PAGE2B: variants seen among roughly 807,000 people sequenced by gnomAD.
The protein encoded by PAGE2B is putative G antigen family E member 3.
PAGE2B carries 5 observed loss-of-function variants against 7.6 expected under a neutral mutation model. That is an observed-to-expected ratio of 0.66 (90% confidence interval 0.34 to 1.38). The LOEUF is 1.38. PAGE2B is among the 40% of genes most tolerant of loss of function. The pLI, the probability that PAGE2B is intolerant of heterozygous loss-of-function variation, is 0.04. For missense variants in PAGE2B, 70 were observed against 78.4 expected (o/e 0.89, Z 0.41); for synonymous variants, 29 against 26.7 (o/e 1.09, Z -0.27).
chrX:55,060,217 G>A, the PAGE2B span, among the ~76,000 whole-genome samples: 3 of 111,387 alleles, frequency 2.7e-5, no homozygotes, highest in East Asian at 2.8e-4. Flanking sequence ...TCTCCTTACC[G>A]TTTTTCATAA....
chrX:55,046,331 C>T, the PAGE2B span, among the ~76,000 whole-genome samples: 1 of 110,958 alleles, frequency 9.0e-6, no homozygotes, highest in East Asian at 2.8e-4. Flanking sequence ...CCAGGCTGGT[C>T]TCAAACTCCT....
the PAGE2B span, among the ~76,000 whole-genome samples, chrX:55,042,470 C>T: frequency 8.4e-5 from 9 of 107,235 alleles, no homozygotes; most frequent in South Asian, 4.1e-4. Context: ...CTGGCTAAAG[C>T]GGTGAAACCC....
At chrX:55,063,114 G>GT in the PAGE2B span, among the ~76,000 whole-genome samples, 1 of 110,772 alleles carries the variant, frequency 9.0e-6, no homozygotes, top group Non-Finnish European at 1.9e-5. Context: ...AAATTTTAGA[G>GT]TTTTTTTCTA....
the PAGE2B span, among the ~76,000 whole-genome samples, chrX:55,062,943 C>G: frequency 9.0e-6 from 1 of 111,256 alleles, no homozygotes; most frequent in East Asian, 2.8e-4. Flanking sequence ...GTTTTCTATA[C>G]TGTTCCATTG....
intron 3 of PAGE2B, among the ~76,000 whole-genome samples, chrX:55,077,048 A>G (rs752114926): frequency 2.7e-5 from 3 of 111,511 alleles, no homozygotes; most frequent in African/African-American, 9.8e-5. Context: ...ACACACCTTT[A>G]TTGATGCTTC....
chrX:55,033,110 G>C, the PAGE2B span, among the ~76,000 whole-genome samples: 1 of 111,701 alleles, frequency 9.0e-6, no homozygotes, highest in Non-Finnish European at 1.9e-5. Context: ...GCAACTTGCT[G>C]ACAGGAATCT....
the PAGE2B span, among the ~76,000 whole-genome samples, chrX:55,052,717 T>TTTGAC: frequency 8.8e-6 from 1 of 113,036 alleles, no homozygotes; most frequent in Admixed American, 9.3e-5. Flanking sequence ...CACCCCTTTC[T>TTTGAC]TTGACTAGGA....
At chrX:55,054,041 C>T in the PAGE2B span, among the ~76,000 whole-genome samples, 2 of 111,425 alleles carry the variant, frequency 1.8e-5, no homozygotes, top group African/African-American at 6.5e-5. Context: ...CAGTGAAACC[C>T]TGTCTCTACT....
At chrX:55,042,168 C>T in the PAGE2B span, among the ~76,000 whole-genome samples, 2 of 110,719 alleles carry the variant, frequency 1.8e-5, no homozygotes, top group South Asian at 3.9e-4. Context: ...ACTAACTCCT[C>T]CAAAAATCTC....
the PAGE2B span, among the ~76,000 whole-genome samples, chrX:55,037,430 A>G: frequency 9.0e-6 from 1 of 111,347 alleles, no homozygotes; most frequent in African/African-American, 3.3e-5. Context: ...GTGGAGAAAT[A>G]GGAACACTTT....
chrX:55,076,586 G>C lies in PAGE2B; in HGVS notation c.102G>C (p.Glu34Asp). The change falls in exon 3 of 5, where the codon GAG (glutamate) becomes GAC (aspartate). Residue 34 changes from glutamate to aspartate, a missense_variant. Glu to Asp is a conservative substitution (Grantham distance 45, BLOSUM62 2). Coordinates refer to ENST00000374971, the MANE Select transcript of PAGE2B (RefSeq NM_001015038.3). Reference protein sequence around the residue: ...VGSVIVQEPTEEKRQEEEPPT... With the variant: ...VGSVIVQEPTDEKRQEEEPPT... ...ACCCTTAGGTCCAGGAGCCCACTGA[G>C]GAAAAACGTCAAGAAGAGGAACCAC... 8.3e-7 allele frequency: 1 copy of C among 1,206,131 alleles called. No individual in the cohort carries two copies.
At chrX:55,043,516 G>A in the PAGE2B span, among the ~76,000 whole-genome samples, 1 of 110,423 alleles carries the variant, frequency 9.1e-6, no homozygotes, top group Admixed American at 9.7e-5. Context: ...CCATCCGAAA[G>A]TATTGTCCAT....
At chrX:55,050,718 G>T in the PAGE2B span, among the ~76,000 whole-genome samples, 1 of 111,204 alleles carries the variant, frequency 9.0e-6, no homozygotes, top group African/African-American at 3.3e-5. Flanking sequence ...ATGTGAGGTG[G>T]GTTTCCTGAA....
chrX:55,068,394 C>T, the PAGE2B span, among the ~76,000 whole-genome samples: 1 of 111,409 alleles, frequency 9.0e-6, no homozygotes, highest in Non-Finnish European at 1.9e-5. Context: ...TTGCATTGGT[C>T]TATATATCTG....
At chrX:55,053,863 A>G in the PAGE2B span, among the ~76,000 whole-genome samples, 1 of 112,701 alleles carries the variant, frequency 8.9e-6, no homozygotes, top group Non-Finnish European at 1.9e-5. Flanking sequence ...TGAGATTAAT[A>G]AAACCCAAAT....
the PAGE2B span, among the ~76,000 whole-genome samples, chrX:55,058,377 T>C: frequency 1.1e-3 from 126 of 111,060 alleles, no homozygotes; most frequent in African/African-American, 3.9e-3. Context: ...GTGATAAGAA[T>C]TGACAAGCAC....
rs776183821 is a variant in PAGE2B at position 55,075,114 on chromosome X, G to T, written c.-9G>T. On this transcript the variant is annotated splice_region_variant and 5_prime_UTR_variant, in exon 1 of 5. Transcript: ENST00000374971. ...CTTTGTCACTGACCGAGACTCAGCC[G>T]GTAGGTCCGCAGAGCGGTCTTCCTG... 1 of 115,672 alleles carries T rather than the reference G, an allele frequency of 8.6e-6. No individual in the cohort carries two copies. The highest frequency in any genetic ancestry group is 2.8e-4 in the East Asian group (1 of 3,606). The allele number at this position is 115,672 out of a possible 1,213,427, so 9.5% of individuals were successfully genotyped here.
chrX:55,059,675 T>A, the PAGE2B span, among the ~76,000 whole-genome samples: 1 of 111,236 alleles, frequency 9.0e-6, no homozygotes, highest in African/African-American at 3.3e-5. Context: ...CATTATAATT[T>A]GCTATAATCA....
chrX:55,074,771 C>G (rs766537699), upstream of PAGE2B, among the ~76,000 whole-genome samples: 137 of 112,328 alleles, frequency 1.2e-3, 1 homozygote, highest in Non-Finnish European at 2.1e-3. Context: ...ATTAGAGTAA[C>G]CTGGGGCTCA....
Sources: allele counts gnomAD v4.1 joint callset (sites outside exome capture counted in the v4.1 genomes callset), GRCh38; gene constraint gnomAD v4.1.1; transcripts MANE v1.5; gene names NCBI Gene and HGNC (gene_info 2026-07-23, HGNC 2026-07-21).